The following AIMP1 variants were observed in gnomAD, a reference collection of about 807,000 sequenced individuals.
AIMP1 encodes aminoacyl tRNA synthetase complex interacting multifunctional protein 1, also known as aminoacyl tRNA synthase complex-interacting multifunctional protein 1.
Under a neutral mutation model 33.1 loss-of-function variants are expected in AIMP1, and 24 were observed. The observed-to-expected ratio is 0.73, with a 90% confidence interval of 0.53 to 1.02. The LOEUF is 1.02. Among genes scored for constraint, AIMP1 ranks in the 50% least tolerant of loss-of-function variants. AIMP1 has a pLI of 0.00. For synonymous variants in AIMP1, 120 were observed against 121.5 expected (o/e 0.99, Z 0.08); for missense variants, 367 against 364.8 (o/e 1.01, Z -0.05).
In AIMP1 at chr4:106,328,073, C is replaced by T; in HGVS notation, c.224-3C>T. Reference sequence around the variant, plus strand: ...AATGACATTATTTCATTTTCTGTCTCAGTGAAGCAAATACCATTTCCATCT... The same window carrying T: ...AATGACATTATTTCATTTTCTGTCTTAGTGAAGCAAATACCATTTCCATCT... On this transcript the variant is annotated splice_polypyrimidine_tract_variant and splice_region_variant and intron_variant, in intron 3 of 6. Transcript: ENST00000672341. The T allele has an allele frequency of 6.2e-7, 1 of 1,611,082 alleles. No homozygotes were observed. Among genetic ancestry groups the T allele is most frequent in the South Asian group, 1.1e-5 (1 of 90,984 alleles).
chr4:106,316,836 A>G (rs979431597), intron 1 of AIMP1: 8 of 485,304 alleles, frequency 1.6e-5, no homozygotes, highest in African/African-American at 1.5e-4. Context: ...AAAAATATCG[A>G]TCCCTAAGCG....
chr4:106,337,684 G>A (rs1769942653), intron 6 of AIMP1, among the ~76,000 whole-genome samples: 1 of 152,172 alleles, frequency 6.6e-6, no homozygotes, highest in South Asian at 2.1e-4. Flanking sequence ...GTGTGGAAGC[G>A]ACTTTGGAAC....
chr4:106,330,013 T>A (rs557858822), intron 4 of AIMP1, among the ~76,000 whole-genome samples: 28 of 152,004 alleles, frequency 1.8e-4, no homozygotes, highest in African/African-American at 6.8e-4. Context: ...GAACTCCTGA[T>A]CTCAGGTGAT....
At chr4:106,324,282 G>A (rs1769378186) in intron 1 of AIMP1, among the ~76,000 whole-genome samples, 1 of 151,908 alleles carries the variant, frequency 6.6e-6, no homozygotes, top group Non-Finnish European at 1.5e-5. Flanking sequence ...CCTCTCCATT[G>A]TCAGTGTGAT....
intron 6 of AIMP1, among the ~76,000 whole-genome samples, chr4:106,338,554 G>A (rs1032677478): frequency 2.6e-5 from 4 of 152,186 alleles, no homozygotes; most frequent in Admixed American, 2.6e-4. Context: ...ACTGAGGTTC[G>A]GGAACCTCCG....
intron 5 of AIMP1, among the ~76,000 whole-genome samples, chr4:106,334,381 C>T (rs1380904448): frequency 6.6e-6 from 1 of 151,434 alleles, no homozygotes; most frequent in Non-Finnish European, 1.5e-5. Flanking sequence ...TCTCCTGCCT[C>T]AGCCTGCCGA....
Position 106,347,980 on chromosome 4 carries a change from ATAAC to A in AIMP1, c.*295_*298del, listed in dbSNP as rs745389326. ...AGCTTTTTTTTCTTTATACACATAGATAACTAACTAGATTAATGTTTAGTTTCTT... is the reference window on the plus strand; with the variant it reads ...AGCTTTTTTTTCTTTATACACATAGATAACTAGATTAATGTTTAGTTTCTT... On this transcript the variant is annotated 3_prime_UTR_variant, in exon 7 of 7. Transcript: ENST00000672341. The A allele has an allele frequency of 9.7e-5, 23 of 236,082 alleles. No individual in the cohort carries two copies. The highest frequency in any genetic ancestry group is 4.6e-4 in the African/African-American group (20 of 43,210). 14.6% of individuals were successfully genotyped at this position (236,082 alleles called of 1,614,324 possible).
chr4:106,320,501 T>C (rs1326485964), intron 1 of AIMP1, among the ~76,000 whole-genome samples: 1 of 152,174 alleles, frequency 6.6e-6, no homozygotes, highest in Non-Finnish European at 1.5e-5. Flanking sequence ...AAAGTGTCTG[T>C]CTGTCTTACT....
In AIMP1 at chr4:106,349,142, T is replaced by C. The variant is rs978722547; in HGVS notation, c.*1450T>C. On this transcript the variant is annotated 3_prime_UTR_variant, in exon 7 of 7. Transcript: ENST00000672341. ...ACTGAGCGTCATTAACAATTGTTGG[T>C]ACCTAAACACAAAATGAATTTCAAA... 1 of 152,114 alleles carries C rather than the reference T, an allele frequency of 6.6e-6. No homozygotes were observed. Among genetic ancestry groups the C allele is most frequent in the Middle Eastern group, 3.2e-3 (1 of 314 alleles). The allele number at this position is 152,114 out of a possible 1,614,324, so 9.4% of individuals were successfully genotyped here. A position where few individuals can be genotyped will look rare whatever the true frequency, so the allele number is the denominator to read the frequency against.
At chr4:106,334,072 T>G (rs561153735) in intron 5 of AIMP1, among the ~76,000 whole-genome samples, 2 of 152,296 alleles carry the variant, frequency 1.3e-5, no homozygotes, top group East Asian at 3.9e-4. Context: ...GCTTCAGAGA[T>G]ATTGCAAAGA....
At chr4:106,316,428 C>A, upstream of AIMP1, 1 of 1,016,522 alleles carries the variant, frequency 9.8e-7, no homozygotes, top group South Asian at 1.4e-5. Flanking sequence ...GTTAATGGGA[C>A]TGAGCACAGG....
Position 106,336,908 on chromosome 4 carries a change from C to G in AIMP1, c.643C>G (p.Pro215Ala). Residue 215 changes from proline to alanine, a missense_variant, in exon 6 of 7, where the codon CCT (proline) becomes GCT (alanine). Pro to Ala is a conservative substitution (Grantham distance 27). Coordinates refer to ENST00000672341, the MANE Select transcript of AIMP1 (RefSeq NM_001142416.2). ...GGTGATTTTACTTTGTAACCTGAAA[C>G]CTGCAAAGATGAGGGGAGTATTATC... ...RMVILLCNLK[P>A]AKMRGVLSQA... The G allele has an allele frequency of 6.2e-7, 1 of 1,614,016 alleles. No individual in the cohort carries two copies. The highest frequency in any genetic ancestry group is 8.5e-7 in the Non-Finnish European group (1 of 1,179,988).
At chr4:106,317,567 C>T (rs1220613289) in intron 1 of AIMP1, among the ~76,000 whole-genome samples, 2 of 152,108 alleles carry the variant, frequency 1.3e-5, no homozygotes, top group Admixed American at 6.5e-5. Context: ...GGTGGTTTGA[C>T]TATGGGTGGT....
rs536156155 is a variant in AIMP1, at chr4:106,321,670, C to T, written c.-25-3315C>T. On this transcript the variant is annotated intron_variant, in intron 1 of 6. Coordinates refer to ENST00000672341, the MANE Select transcript of AIMP1 (RefSeq NM_001142416.2). ...ATCTGGGAAGTGAGGAGCCCCTCTG[C>T]CCGGCCGCCACCCCGTCTGGGAGGT... Among the ~76,000 whole-genome samples, 38 of 152,306 alleles carry T rather than the reference C, an allele frequency of 2.5e-4. No individual in the cohort carries two copies. In the East Asian group the frequency reaches 7.2e-3, roughly 29 times the overall value.
chr4:106,340,287 T>TG (rs947656183), intron 6 of AIMP1, among the ~76,000 whole-genome samples: 1 of 151,888 alleles, frequency 6.6e-6, no homozygotes, highest in Admixed American at 6.6e-5. Flanking sequence ...TTTGGGTTTT[T>TG]TTTTTTCCAA....
At chr4:106,316,532 G>T, upstream of AIMP1, 2 of 1,551,464 alleles carry the variant, frequency 1.3e-6, no homozygotes, top group Non-Finnish European at 1.7e-6. Flanking sequence ...TATAGTACGC[G>T]GGTGGCTGGA....
intron 1 of AIMP1, among the ~76,000 whole-genome samples, chr4:106,319,279 T>C (rs974111992): frequency 1.3e-5 from 2 of 152,108 alleles, no homozygotes; most frequent in East Asian, 3.9e-4. Context: ...GCAATTTAGA[T>C]GGTGTGGGTG....
intron 1 of AIMP1, among the ~76,000 whole-genome samples, chr4:106,319,746 G>A (rs747364050): frequency 6.6e-6 from 1 of 151,878 alleles, no homozygotes; most frequent in African/African-American, 2.4e-5. Flanking sequence ...TTACATTTTA[G>A]TCCAGAGACT....
chr4:106,349,121 A>C lies in AIMP1; in HGVS notation c.*1429A>C, dbSNP rs1770403682. 1 of 152,112 alleles carries C rather than the reference A, an allele frequency of 6.6e-6. No individual in the cohort carries two copies. Among genetic ancestry groups the C allele is most frequent in the African/African-American group, 2.4e-5 (1 of 41,432 alleles). The allele number at this position is 152,112 out of a possible 1,614,324, so 9.4% of individuals were successfully genotyped here. On this transcript the variant is annotated 3_prime_UTR_variant, in exon 7 of 7. Transcript: ENST00000672341. ...TGTGATATTCTGAAAATATGAACTG[A>C]GCGTCATTAACAATTGTTGGTACCT...
Sources: allele counts gnomAD v4.1 joint callset (sites outside exome capture counted in the v4.1 genomes callset), GRCh38; gene constraint gnomAD v4.1.1; transcripts MANE v1.5; gene names NCBI Gene and HGNC (gene_info 2026-07-23, HGNC 2026-07-21).